MACROD2: variants seen among roughly 807,000 people sequenced by gnomAD.
The protein encoded by MACROD2 is mono-ADP ribosylhydrolase 2, also known as ADP-ribose glycohydrolase MACROD2.
Under a neutral mutation model 70.4 loss-of-function variants are expected in MACROD2, and 36 were observed. The ratio of observed to expected loss-of-function variants is 0.51; its 90% CI spans 0.39 to 0.68. The LOEUF (loss-of-function observed/expected upper bound fraction) is 0.68. Among genes scored for constraint, MACROD2 ranks in the 30% least tolerant of loss-of-function variants. MACROD2 has a pLI of 0.00. For missense variants in MACROD2, 496 were observed against 538.4 expected, an observed-to-expected ratio of 0.92 and a Z score of 0.78; for synonymous variants, 172 against 178.8, an observed-to-expected ratio of 0.96 and a Z score of 0.30.
intron 3 of MACROD2, among the ~76,000 whole-genome samples, chr20:14,424,654 A>G (rs948675607): frequency 3.9e-5 from 6 of 152,178 alleles, no homozygotes; most frequent in Non-Finnish European, 8.8e-5. Flanking sequence ...TCAGCTAGAA[A>G]GGGTATTGTG....
chr20:15,462,433 C>A (rs928152307), intron 7 of MACROD2, among the ~76,000 whole-genome samples: 1 of 152,002 alleles, frequency 6.6e-6, no homozygotes, highest in African/African-American at 2.4e-5. Flanking sequence ...TTGCAAATAA[C>A]GTGTAATTAA....
intron 8 of MACROD2, among the ~76,000 whole-genome samples, chr20:15,730,087 C>G (rs1743578844): frequency 6.6e-6 from 1 of 152,112 alleles, no homozygotes; most frequent in Non-Finnish European, 1.5e-5. Flanking sequence ...CTCAGCCTCC[C>G]AAAGTGTTGG....
chr20:14,231,706 A>G (rs1400455731), intron 3 of MACROD2, among the ~76,000 whole-genome samples: 1 of 152,208 alleles, frequency 6.6e-6, no homozygotes, highest in Non-Finnish European at 1.5e-5. Flanking sequence ...ATCCCTGAGG[A>G]ATCGCCACAC....
intron 8 of MACROD2, among the ~76,000 whole-genome samples, chr20:15,607,002 CA>C (rs35981862): frequency 0.14 from 13,181 of 95,838 alleles, 1,507 homozygotes; most frequent in African/African-American, 0.35. Context: ...AACTCCATCT[CA>C]AAAAAAAAAA....
At chr20:14,333,949 A>T (rs1045997962) in intron 3 of MACROD2, among the ~76,000 whole-genome samples, 15 of 152,226 alleles carry the variant, frequency 9.9e-5, no homozygotes, top group African/African-American at 3.6e-4. Flanking sequence ...GTGCACATGT[A>T]AAGTGAAAGA....
intron 8 of MACROD2, among the ~76,000 whole-genome samples, chr20:15,528,436 C>T (rs796578729): frequency 7.2e-5 from 11 of 152,270 alleles, no homozygotes; most frequent in African/African-American, 2.6e-4. Context: ...GCTTTTTTAT[C>T]ATGAGGATTG....
chr20:15,306,967 G>A (rs1186219359), intron 6 of MACROD2, among the ~76,000 whole-genome samples: 1 of 152,108 alleles, frequency 6.6e-6, no homozygotes, highest in Non-Finnish European at 1.5e-5. Context: ...ATGGCAGAAG[G>A]CAGAGGGGAG....
At chr20:15,272,342 T>C (rs2146070271) in intron 6 of MACROD2, among the ~76,000 whole-genome samples, 1 of 152,318 alleles carries the variant, frequency 6.6e-6, no homozygotes, top group South Asian at 2.1e-4. Context: ...TTCCTCCTGG[T>C]GTATATCAAA....
chr20:14,142,271 C>T lies in MACROD2; in HGVS notation c.271+56543C>T, dbSNP rs568757694. On this transcript the variant is annotated intron_variant, in intron 3 of 17. Coordinates refer to ENST00000684519, the MANE Select transcript of MACROD2 (RefSeq NM_001351661.2). ...TGGCTATCAGGTCAGCCAGAGGTGA[C>T]TCGTTTTTGTCACCAGGGTGTGCTG... is the stretch of plus-strand genomic sequence containing the variant. Among the ~76,000 whole-genome samples, 192 of 152,186 alleles carry T rather than the reference C, an allele frequency of 1.3e-3. 3 individuals carry two copies. In the South Asian group the frequency reaches 0.014, roughly 11 times the overall value.
intron 3 of MACROD2, among the ~76,000 whole-genome samples, chr20:14,206,098 G>C (rs1289384247): frequency 6.6e-6 from 1 of 152,168 alleles, no homozygotes; most frequent in Non-Finnish European, 1.5e-5. Flanking sequence ...AGCAATGTCG[G>C]GGGGTGGGAG....
At chr20:14,157,339 C>A (rs1232947722) in intron 3 of MACROD2, among the ~76,000 whole-genome samples, 1 of 152,068 alleles carries the variant, frequency 6.6e-6, no homozygotes, top group Non-Finnish European at 1.5e-5. Context: ...GTGTAATGAT[C>A]AAGTCAGGGT....
intron 8 of MACROD2, among the ~76,000 whole-genome samples, chr20:15,847,181 A>T (rs1010274812): frequency 6.6e-6 from 1 of 152,186 alleles, no homozygotes; most frequent in African/African-American, 2.4e-5. Flanking sequence ...CAACATTTCC[A>T]AAAGTATAAC....
intron 4 of MACROD2, among the ~76,000 whole-genome samples, chr20:14,672,836 G>A (rs2070810998): frequency 6.6e-6 from 1 of 152,098 alleles, no homozygotes; most frequent in African/African-American, 2.4e-5. Context: ...GTATGTGTAT[G>A]TTTGCTTATA....
intron 5 of MACROD2, among the ~76,000 whole-genome samples, chr20:14,933,500 A>T (rs1346245567): frequency 6.6e-6 from 1 of 152,000 alleles, no homozygotes; most frequent in African/African-American, 2.4e-5. Context: ...GGCAACATAG[A>T]GAGAACTCAG....
At chr20:15,188,712 A>G (rs912238213) in intron 5 of MACROD2, among the ~76,000 whole-genome samples, 1 of 152,224 alleles carries the variant, frequency 6.6e-6, no homozygotes, top group African/African-American at 2.4e-5. Flanking sequence ...GTTGTCATTT[A>G]TGACAATGAC....
At chr20:15,108,244 G>T (rs953286870) in intron 5 of MACROD2, among the ~76,000 whole-genome samples, 9 of 152,118 alleles carry the variant, frequency 5.9e-5, no homozygotes, top group African/African-American at 2.2e-4. Context: ...ATGTAGTACA[G>T]CCTGGCTCAT....
chr20:14,798,981 A>G (rs1415676856), intron 5 of MACROD2, among the ~76,000 whole-genome samples: 1 of 152,014 alleles, frequency 6.6e-6, no homozygotes, highest in Non-Finnish European at 1.5e-5. Context: ...AATATATAAC[A>G]GTTGTATACA....
intron 3 of MACROD2, among the ~76,000 whole-genome samples, chr20:14,446,650 T>C (rs572972071): frequency 2.0e-5 from 3 of 152,132 alleles, no homozygotes; most frequent in African/African-American, 7.2e-5. Flanking sequence ...TCAGACAGAG[T>C]GGCAACTTGA....
At chr20:14,451,181 C>T (rs2084240942) in intron 3 of MACROD2, among the ~76,000 whole-genome samples, 2 of 151,988 alleles carry the variant, frequency 1.3e-5, no homozygotes, top group Admixed American at 1.3e-4. Flanking sequence ...GTGGTTCACA[C>T]CTATAATCGC....
Sources: gnomAD v4.1 joint callset for allele counts (sites outside exome capture counted in the v4.1 genomes callset) on GRCh38, gnomAD v4.1.1 for gene constraint, MANE v1.5 for transcripts, NCBI Gene and HGNC (gene_info 2026-07-23, HGNC 2026-07-21) for gene names.